The following CTNNA2 variants were observed in gnomAD, a reference collection of about 807,000 sequenced individuals.
The protein encoded by CTNNA2 is catenin alpha-2.
A neutral mutation model predicts 101.0 loss-of-function variants in CTNNA2; 42 were observed. That is an observed-to-expected ratio of 0.42 (90% CI 0.32 to 0.54). The LOEUF (loss-of-function observed/expected upper bound fraction) is 0.54, where lower values mean the gene tolerates loss of function less well. Among genes scored for constraint, CTNNA2 ranks in the 20% least tolerant of loss-of-function variants. The pLI is 0.14. For missense variants in CTNNA2, 871 were observed against 1,223.1 expected (o/e 0.71, Z 4.29); for synonymous variants, 450 against 456.4 (o/e 0.99, Z 0.18).
At chr2:79,900,911 A>G (rs911864053) in intron 6 of CTNNA2, among the ~76,000 whole-genome samples, 7 of 152,148 alleles carry the variant, frequency 4.6e-5, no homozygotes, top group Non-Finnish European at 1.0e-4. Context: ...TATCCTGTGT[A>G]CCCCATAAAT....
chr2:79,425,396 G>A (rs1285879852), intron 4 of CTNNA2, among the ~76,000 whole-genome samples: 2 of 152,104 alleles, frequency 1.3e-5, no homozygotes, highest in Non-Finnish European at 2.9e-5. Context: ...CCTCAGACTG[G>A]ATAATATATA....
At chr2:79,705,376 T>G (rs1418397049) in intron 2 of CTNNA2, among the ~76,000 whole-genome samples, 1 of 152,204 alleles carries the variant, frequency 6.6e-6, no homozygotes, top group African/African-American at 2.4e-5. Context: ...ATTGATCTAT[T>G]TTGTTATTAG....
At chr2:79,687,740 A>T (rs1274998810) in intron 2 of CTNNA2, 2 of 477,596 alleles carry the variant, frequency 4.2e-6, no homozygotes, top group Admixed American at 4.2e-5. Flanking sequence ...TGGAAAAAAT[A>T]AGATATCCCA....
intron 2 of CTNNA2, among the ~76,000 whole-genome samples, chr2:79,214,403 A>C (rs913432865): frequency 4.6e-5 from 7 of 152,096 alleles, no homozygotes; most frequent in African/African-American, 1.7e-4. Flanking sequence ...TTGGTTGATA[A>C]GGGGCAGATC....
chr2:80,255,240 G>A (rs1001293742), intron 7 of CTNNA2, among the ~76,000 whole-genome samples: 1 of 152,092 alleles, frequency 6.6e-6, no homozygotes, highest in Non-Finnish European at 1.5e-5. Context: ...TTCACCCACA[G>A]TATCTGTTTG....
intron 15 of CTNNA2, among the ~76,000 whole-genome samples, chr2:80,602,381 A>G (rs1034289390): frequency 1.3e-5 from 2 of 152,080 alleles, no homozygotes; most frequent in African/African-American, 2.4e-5. Context: ...GGAAGTTATT[A>G]TGGAACGTTC....
chr2:79,281,922 A>G (rs1675397434), intron 2 of CTNNA2, among the ~76,000 whole-genome samples: 2 of 152,150 alleles, frequency 1.3e-5, no homozygotes, highest in South Asian at 4.1e-4. Context: ...TAGCTTCTAA[A>G]TTTTTACATG....
intron 3 of CTNNA2, among the ~76,000 whole-genome samples, chr2:79,848,565 C>A (rs778906524): frequency 2.0e-5 from 3 of 152,154 alleles, no homozygotes; most frequent in Non-Finnish European, 4.4e-5. Context: ...GAAAAGGCTA[C>A]AGCTGAAATA....
chr2:80,174,866 A>G (rs916205312), intron 7 of CTNNA2, among the ~76,000 whole-genome samples: 4 of 152,186 alleles, frequency 2.6e-5, no homozygotes, highest in Non-Finnish European at 4.4e-5. Context: ...ACTACATCAC[A>G]TATGACCTGG....
intron 3 of CTNNA2, among the ~76,000 whole-genome samples, chr2:79,320,652 A>G (rs947420450): frequency 1.3e-5 from 2 of 152,166 alleles, no homozygotes; most frequent in Non-Finnish European, 2.9e-5. Flanking sequence ...GGCAAGACCT[A>G]CAGACCAGCC....
chr2:79,226,277 C>T (rs140422386), intron 2 of CTNNA2, among the ~76,000 whole-genome samples: 1 of 152,202 alleles, frequency 6.6e-6, no homozygotes, highest in Admixed American at 6.5e-5. Context: ...ATTTATAGAT[C>T]TGCCTCTTGA....
intron 7 of CTNNA2, among the ~76,000 whole-genome samples, chr2:80,368,951 G>A (rs1573864545): frequency 6.6e-6 from 1 of 151,478 alleles, no homozygotes; most frequent in South Asian, 2.1e-4. Context: ...GTTTGGAACT[G>A]TCAGGTCAGC....
At chr2:79,636,168 G>C (rs13402439) in intron 1 of CTNNA2, among the ~76,000 whole-genome samples, 31,379 of 148,882 alleles carry the variant, frequency 0.21, 3,735 homozygotes, top group African/African-American at 0.31. Context: ...TACTCAGGAG[G>C]CTGAGGCAGG....
chr2:80,451,756 T>A (rs1343969928), intron 9 of CTNNA2, among the ~76,000 whole-genome samples: 1 of 152,192 alleles, frequency 6.6e-6, no homozygotes, highest in African/African-American at 2.4e-5. Context: ...TTGAGTCTTA[T>A]TTGGGAATTA....
intron 13 of CTNNA2, among the ~76,000 whole-genome samples, chr2:80,578,577 G>T (rs1036842935): frequency 6.6e-6 from 1 of 152,176 alleles, no homozygotes; most frequent in African/African-American, 2.4e-5. Context: ...AACTGCACAT[G>T]CACAGAACTT....
intron 4 of CTNNA2, among the ~76,000 whole-genome samples, chr2:79,405,694 ATGT>A (rs552112735): frequency 5.0e-4 from 76 of 152,138 alleles, no homozygotes; most frequent in Admixed American, 1.2e-3. Flanking sequence ...ATACACAGCG[ATGT>A]TATTATATGT....
intron 7 of CTNNA2, among the ~76,000 whole-genome samples, chr2:80,086,373 T>C (rs1296000067): frequency 1.3e-5 from 2 of 151,998 alleles, no homozygotes; most frequent in Non-Finnish European, 2.9e-5. Context: ...TGATTTAAAG[T>C]GTTGAAAAAA....
chr2:79,658,668 C>T (rs1681792725), intron 2 of CTNNA2, among the ~76,000 whole-genome samples: 1 of 118,564 alleles, frequency 8.4e-6, no homozygotes, highest in Non-Finnish European at 1.7e-5. Flanking sequence ...ATAGAATTTG[C>T]TGAAATTTTG....
chr2:79,405,659 C>T (rs1678333268), intron 4 of CTNNA2, among the ~76,000 whole-genome samples: 1 of 151,886 alleles, frequency 6.6e-6, no homozygotes, highest in South Asian at 2.1e-4. Context: ...TTCATTGACA[C>T]AGAGTAATTG....
Sources: allele counts gnomAD v4.1 joint callset (sites outside exome capture counted in the v4.1 genomes callset), GRCh38; gene constraint gnomAD v4.1.1; transcripts MANE v1.5; gene names NCBI Gene and HGNC (gene_info 2026-07-23, HGNC 2026-07-21).